EPHA3: variants seen among roughly 807,000 people sequenced by gnomAD.
EPHA3 encodes EPH receptor A3, also known as ephrin type-A receptor 3.
EPHA3 carries 42 observed loss-of-function variants against 107.1 expected under a neutral mutation model. That is an observed-to-expected ratio of 0.39 (90% confidence interval 0.31 to 0.51). The LOEUF (loss-of-function observed/expected upper bound fraction) is 0.51, where lower values mean the gene tolerates loss of function less well. EPHA3 is among the 20% of genes least tolerant of loss of function. EPHA3 has a pLI of 0.78. For missense variants in EPHA3, 1,183 were observed against 1,211.2 expected (o/e 0.98, Z 0.35); for synonymous variants, 461 against 424.8 (o/e 1.09, Z -1.05).
chr3:89,165,699 A>G (rs1229344768), intron 2 of EPHA3, among the ~76,000 whole-genome samples: 1 of 152,170 alleles, frequency 6.6e-6, no homozygotes, highest in Admixed American at 6.5e-5. Flanking sequence ...GCATCTTTAC[A>G]TACTCATCTT....
chr3:89,208,430 GAAAGAAAGAAAGA>G (rs1706169681), intron 2 of EPHA3, among the ~76,000 whole-genome samples: 8 of 88,848 alleles, frequency 9.0e-5, no homozygotes, highest in Non-Finnish European at 1.4e-4. Flanking sequence ...AAGGAAGAAA[GAAAGAAAGAAAGA>G]AAGAAAGAAA....
intron 3 of EPHA3, among the ~76,000 whole-genome samples, chr3:89,245,411 A>G (rs1278165502): frequency 6.6e-6 from 1 of 152,192 alleles, no homozygotes; most frequent in African/African-American, 2.4e-5. Flanking sequence ...CGCTATTTTC[A>G]TGTCTGTATA....
At chr3:89,420,198 C>A (rs573781428) in intron 11 of EPHA3, among the ~76,000 whole-genome samples, 1 of 151,524 alleles carries the variant, frequency 6.6e-6, no homozygotes, top group South Asian at 2.1e-4. Context: ...CAACATATGG[C>A]AGGGAATTTG....
At chr3:89,459,158 C>A (rs1447675654) in intron 15 of EPHA3, among the ~76,000 whole-genome samples, 1 of 152,080 alleles carries the variant, frequency 6.6e-6, no homozygotes, top group Non-Finnish European at 1.5e-5. Flanking sequence ...AACAAACCTG[C>A]AGGTTCAACA....
At chr3:89,283,601 G>A (rs1402848827) in intron 3 of EPHA3, among the ~76,000 whole-genome samples, 4 of 152,094 alleles carry the variant, frequency 2.6e-5, no homozygotes, top group Admixed American at 2.6e-4. Flanking sequence ...ATAGTGAAAT[G>A]AGAGCAGAAG....
chr3:89,400,559 A>T (rs911435001), intron 7 of EPHA3, among the ~76,000 whole-genome samples: 1 of 152,120 alleles, frequency 6.6e-6, no homozygotes, highest in Non-Finnish European at 1.5e-5. Flanking sequence ...ATTAATAAAC[A>T]GATTAGCAAG....
At chr3:89,406,303 A>T (rs1356020068) in intron 7 of EPHA3, among the ~76,000 whole-genome samples, 1 of 151,988 alleles carries the variant, frequency 6.6e-6, no homozygotes, top group African/African-American at 2.4e-5. Context: ...CTCATTCCCC[A>T]CTCCGGAATG....
chr3:89,210,654 A>G, intron 3 of EPHA3, 134 bp downstream of exon 3: 2 of 870,960 alleles, frequency 2.3e-6, no homozygotes, highest in East Asian at 5.1e-5. Context: ...TAGTCTATTT[A>G]TGGACTAAAA....
intron 3 of EPHA3, among the ~76,000 whole-genome samples, chr3:89,304,926 A>G (rs1706577567): frequency 6.6e-6 from 1 of 152,166 alleles, no homozygotes; most frequent in South Asian, 2.1e-4. Context: ...TATAAATGCA[A>G]GTATTTCCAG....
Position 89,130,278 on chromosome 3 carries a change from T to C in EPHA3, c.153+3005T>C, listed in dbSNP as rs547129267. 3.3e-5 allele frequency among the ~76,000 whole-genome samples: 5 copies of C among 152,270 alleles called. No homozygotes were observed. In the East Asian group the frequency reaches 7.7e-4, roughly 24 times the overall value. ...AAACTCTTACTTAGGGGATTAATAA[T>C]AGCATTCCATCAGGAAATGTCCATA... On this transcript the variant is annotated intron_variant, in intron 2 of 16. Transcript: ENST00000336596.
intron 3 of EPHA3, among the ~76,000 whole-genome samples, chr3:89,213,193 A>G (rs948640566): frequency 6.6e-6 from 1 of 152,012 alleles, no homozygotes; most frequent in Non-Finnish European, 1.5e-5. Flanking sequence ...AGTGTGAATG[A>G]ACTCAGAAGC....
intron 5 of EPHA3, among the ~76,000 whole-genome samples, chr3:89,359,824 T>TATATATACATATATACAC (rs1553686064): frequency 1.9e-4 from 23 of 119,778 alleles, no homozygotes; most frequent in Non-Finnish European, 3.9e-4. Flanking sequence ...TATATATACA[T>TATATATACATATATACAC]ATATATATAC....
intron 3 of EPHA3, among the ~76,000 whole-genome samples, chr3:89,231,558 G>A (rs1704635639): frequency 6.6e-6 from 1 of 152,142 alleles, no homozygotes; most frequent in South Asian, 2.1e-4. Flanking sequence ...GGACAATATA[G>A]AATAGTGCTT....
intron 13 of EPHA3, among the ~76,000 whole-genome samples, chr3:89,446,902 C>G (rs1266769471): frequency 6.6e-6 from 1 of 151,950 alleles, no homozygotes; most frequent in Non-Finnish European, 1.5e-5. Flanking sequence ...TATAACAGAC[C>G]TAAGATATTT....
At chr3:89,330,624 T>C (rs1261368045) in intron 3 of EPHA3, among the ~76,000 whole-genome samples, 1 of 152,282 alleles carries the variant, frequency 6.6e-6, no homozygotes, top group East Asian at 1.9e-4. Context: ...AAAGGACTTA[T>C]AATAAAATGC....
At chr3:89,428,880 T>C (rs1323329822) in intron 11 of EPHA3, among the ~76,000 whole-genome samples, 2 of 152,154 alleles carry the variant, frequency 1.3e-5, no homozygotes, top group African/African-American at 2.4e-5. Context: ...TTAGATGCTA[T>C]TGGTCATGGG....
chr3:89,262,118 T>G (rs181733694), intron 3 of EPHA3, among the ~76,000 whole-genome samples: 74 of 152,260 alleles, frequency 4.9e-4, no homozygotes, highest in Middle Eastern at 3.4e-3. Context: ...AACTCTCGTA[T>G]TCATATCTAC....
intron 2 of EPHA3, among the ~76,000 whole-genome samples, chr3:89,176,787 G>A (rs1283675110): frequency 1.3e-5 from 2 of 151,768 alleles, no homozygotes; most frequent in Non-Finnish European, 1.5e-5. Context: ...CAAACCACTT[G>A]GAATTTATCT....
At chr3:89,438,301 C>T (rs1249949878) in intron 13 of EPHA3, among the ~76,000 whole-genome samples, 6 of 151,846 alleles carry the variant, frequency 4.0e-5, no homozygotes, top group East Asian at 1.9e-4. Context: ...TTAGTAGAGA[C>T]GGGGTTTCAC....
Sources: gnomAD v4.1 joint callset for allele counts (sites outside exome capture counted in the v4.1 genomes callset) on GRCh38, gnomAD v4.1.1 for gene constraint, MANE v1.5 for transcripts, NCBI Gene and HGNC (gene_info 2026-07-23, HGNC 2026-07-21) for gene names.